ASIC2: variants seen among roughly 807,000 people sequenced by gnomAD.
ASIC2 encodes acid sensing ion channel subunit 2, also known as acid-sensing ion channel 2.
A neutral mutation model predicts 57.3 loss-of-function variants in ASIC2; 25 were observed. The ratio of observed to expected loss-of-function variants is 0.44; its 90% confidence interval spans 0.32 to 0.61. The LOEUF (loss-of-function observed/expected upper bound fraction) is 0.61. ASIC2 is among the 20% of genes least tolerant of loss of function. The probability of loss-of-function intolerance (pLI) is 0.06; values close to 1 mark genes in which losing one functional copy is unlikely to be tolerated. For synonymous variants in ASIC2, 319 were observed against 307.5 expected (o/e 1.04, Z -0.39); for missense variants, 641 against 738.1 (o/e 0.87, Z 1.52).
intron 1 of ASIC2, among the ~76,000 whole-genome samples, chr17:33,112,579 C>G (rs531536562): frequency 6.6e-6 from 1 of 152,188 alleles, no homozygotes; most frequent in African/African-American, 2.4e-5. Context: ...TCCCAGGGAA[C>G]AGCATCGCCA....
chr17:33,612,203 T>C (rs1905433451), intron 1 of ASIC2, among the ~76,000 whole-genome samples: 2 of 152,200 alleles, frequency 1.3e-5, no homozygotes, highest in Non-Finnish European at 2.9e-5. Flanking sequence ...ATGTCAATCT[T>C]ATCCAGAAAC....
chr17:33,915,549 C>T (rs1483848374), intron 1 of ASIC2, among the ~76,000 whole-genome samples: 3 of 152,282 alleles, frequency 2.0e-5, no homozygotes, highest in African/African-American at 4.8e-5. Context: ...AGCTACAGCC[C>T]GTTTTTCTGC....
intron 1 of ASIC2, among the ~76,000 whole-genome samples, chr17:33,589,961 C>G (rs763634252): frequency 1.3e-5 from 2 of 152,178 alleles, no homozygotes; most frequent in Non-Finnish European, 2.9e-5. Flanking sequence ...AGCAAACACA[C>G]AGTAGATTAA....
intron 1 of ASIC2, among the ~76,000 whole-genome samples, chr17:33,194,514 T>G (rs943306771): frequency 1.3e-5 from 2 of 152,228 alleles, no homozygotes; most frequent in Non-Finnish European, 2.9e-5. Flanking sequence ...CTTCCATATG[T>G]AGAGTTTTTC....
chr17:33,303,485 T>C (rs951791477), intron 1 of ASIC2, among the ~76,000 whole-genome samples: 2 of 152,118 alleles, frequency 1.3e-5, no homozygotes, highest in African/African-American at 4.8e-5. Context: ...CACAAAAACA[T>C]TTCCTCTTTC....
chr17:33,994,491 A>G (rs942298527), intron 1 of ASIC2, among the ~76,000 whole-genome samples: 4 of 152,178 alleles, frequency 2.6e-5, no homozygotes, highest in Admixed American at 2.6e-4. Context: ...ACACTAGGCA[A>G]TATCTACTCA....
intron 1 of ASIC2, among the ~76,000 whole-genome samples, chr17:33,223,522 A>T (rs1907763298): frequency 6.6e-6 from 1 of 152,186 alleles, no homozygotes; most frequent in Non-Finnish European, 1.5e-5. Flanking sequence ...CAGATTAGTT[A>T]TTTTTAAAGG....
chr17:33,999,005 G>A (rs1051323761), intron 1 of ASIC2, among the ~76,000 whole-genome samples: 16 of 152,014 alleles, frequency 1.1e-4, no homozygotes, highest in Middle Eastern at 3.4e-3. Flanking sequence ...TTACCCTTTA[G>A]TTCTGTTAAT....
chr17:34,156,719 A>C lies in ASIC2; in HGVS notation c.-187T>G. 1 of 598,758 alleles carries C rather than the reference A, an allele frequency of 1.7e-6. No homozygotes were observed. The highest frequency in any genetic ancestry group is 2.9e-6 in the Non-Finnish European group (1 of 349,752). The allele number at this position is 598,758 out of a possible 1,614,324, so 37.1% of individuals were successfully genotyped here. On this transcript the variant is annotated 5_prime_UTR_variant, in exon 1 of 10. Transcript: ENST00000359872. The surrounding 1 kb of genome is among the most constrained non-coding windows in gnomAD (Gnocchi z 4.4). ...CTGACAGGGGTGAGTGTTTATATAA[A>C]ACCCATTCAAACTCTAGCTCTTGAT...
At chr17:33,335,571 AG>A (rs11299126) in intron 1 of ASIC2, among the ~76,000 whole-genome samples, 103,797 of 151,942 alleles carry the variant, frequency 0.68, 35,975 homozygotes, top group East Asian at 0.97. Flanking sequence ...AGGAGGTAGA[AG>A]GGTGAGTCAA....
At chr17:33,068,953 T>C (rs1399434877) in intron 3 of ASIC2, among the ~76,000 whole-genome samples, 4 of 152,200 alleles carry the variant, frequency 2.6e-5, no homozygotes, top group Non-Finnish European at 5.9e-5. Flanking sequence ...CTTTTCTTCT[T>C]TTCCTAATAT....
intron 1 of ASIC2, among the ~76,000 whole-genome samples, chr17:33,796,546 A>G (rs1020212511): frequency 2.0e-5 from 3 of 152,244 alleles, no homozygotes; most frequent in African/African-American, 7.2e-5. Context: ...GCTAGCCTGT[A>G]TAATGTAAAG....
chr17:33,673,841 C>A (rs1287379807), intron 1 of ASIC2, among the ~76,000 whole-genome samples: 2 of 151,986 alleles, frequency 1.3e-5, no homozygotes, highest in Non-Finnish European at 1.5e-5. Flanking sequence ...GCAAGTGAGA[C>A]CTGTCCTTTG....
intron 1 of ASIC2, among the ~76,000 whole-genome samples, chr17:33,262,112 C>A (rs1287007614): frequency 6.6e-6 from 1 of 152,220 alleles, no homozygotes; most frequent in Admixed American, 6.5e-5. Context: ...CATGTAGGCT[C>A]CACTGAGCCA....
intron 1 of ASIC2, among the ~76,000 whole-genome samples, chr17:34,073,180 C>CTA (rs1375220633): frequency 6.6e-6 from 1 of 152,206 alleles, no homozygotes; most frequent in Non-Finnish European, 1.5e-5. Flanking sequence ...TCTGCACACT[C>CTA]TATAGTCTCT....
At position 33,075,647 on chromosome 17, in the gene ASIC2, G is replaced by C. The variant is rs533866167; in HGVS notation, c.987+13216C>G. On this transcript the variant is annotated intron_variant, in intron 3 of 9. Coordinates refer to ENST00000225823, the MANE Select transcript of ASIC2 (RefSeq NM_183377.2). The stretch of plus-strand genomic sequence containing the variant: ...CCCCTGCTGGTCTGCTCCTTCTGCT[G>C]GTTCCCACCAGGCCTTCTGGGGGAA... Among the ~76,000 whole-genome samples, 26 of 152,138 alleles carry C rather than the reference G, an allele frequency of 1.7e-4. 1 individual carries two copies. The highest frequency in any genetic ancestry group is 3.5e-4 in the Non-Finnish European group (24 of 68,018).
intron 1 of ASIC2, among the ~76,000 whole-genome samples, chr17:33,281,707 G>T (rs1346475566): frequency 6.6e-6 from 1 of 152,212 alleles, no homozygotes; most frequent in East Asian, 1.9e-4. Flanking sequence ...TTGGTGCGAG[G>T]CAGGGTGTGT....
intron 1 of ASIC2, among the ~76,000 whole-genome samples, chr17:33,624,455 A>G (rs913109948): frequency 2.6e-5 from 4 of 152,250 alleles, no homozygotes; most frequent in Non-Finnish European, 5.9e-5. Flanking sequence ...GGCCGTCCCA[A>G]TTAGTGATGT....
chr17:33,099,194 T>G (rs1416138445), intron 2 of ASIC2, among the ~76,000 whole-genome samples: 2 of 151,964 alleles, frequency 1.3e-5, no homozygotes, highest in African/African-American at 4.8e-5. Flanking sequence ...TTTTGTTATT[T>G]TTAGTGGAGA....
Sources: allele counts gnomAD v4.1 joint callset (sites outside exome capture counted in the v4.1 genomes callset), GRCh38; gene constraint gnomAD v4.1.1; non-coding constraint Gnocchi (gnomAD v3.1); transcripts MANE v1.5; gene names NCBI Gene and HGNC (gene_info 2026-07-23, HGNC 2026-07-21).